IL1RAPL1: variants seen among roughly 807,000 people sequenced by gnomAD.
IL1RAPL1 encodes the protein interleukin 1 receptor accessory protein like 1.
Under a neutral mutation model 48.4 loss-of-function variants are expected in IL1RAPL1, and 3 were observed. That is an observed-to-expected ratio of 0.06 (90% CI 0.03 to 0.16). The LOEUF (loss-of-function observed/expected upper bound fraction) is 0.16. IL1RAPL1 is among the 10% of genes least tolerant of loss of function. The probability of loss-of-function intolerance (pLI) is 1.00; values close to 1 mark genes in which losing one functional copy is unlikely to be tolerated. For missense variants in IL1RAPL1, 349 were observed against 530.6 expected (o/e 0.66, Z 3.36); for synonymous variants, 185 against 187.7 (o/e 0.99, Z 0.12).
At chrX:29,587,782 G>A (rs1255709436) in intron 5 of IL1RAPL1, among the ~76,000 whole-genome samples, 2 of 112,288 alleles carry the variant, frequency 1.8e-5, no homozygotes, top group South Asian at 3.7e-4. Flanking sequence ...AAATGGATAC[G>A]TGATACCAAC....
intron 2 of IL1RAPL1, among the ~76,000 whole-genome samples, chrX:29,227,045 C>T (rs761774449): frequency 1.8e-5 from 2 of 108,315 alleles, no homozygotes; most frequent in South Asian, 8.0e-4. Flanking sequence ...GAATCACCTG[C>T]GTGGACACTG....
chrX:29,673,160 C>A (rs1926184205), intron 6 of IL1RAPL1, among the ~76,000 whole-genome samples: 1 of 111,638 alleles, frequency 9.0e-6, no homozygotes, highest in East Asian at 2.8e-4. Context: ...CATAATTGAC[C>A]ACACCTTTTC....
At chrX:29,373,377 A>G (rs745957503) in intron 3 of IL1RAPL1, among the ~76,000 whole-genome samples, 1 of 111,862 alleles carries the variant, frequency 8.9e-6, no homozygotes, top group Non-Finnish European at 1.9e-5. Context: ...GAGAGTTTGA[A>G]TTCTTATTTT....
At chrX:29,199,761 G>A (rs1366880513) in intron 2 of IL1RAPL1, among the ~76,000 whole-genome samples, 2 of 111,709 alleles carry the variant, frequency 1.8e-5, no homozygotes, top group East Asian at 2.8e-4. Context: ...CCTGGTCTGC[G>A]GCCTTGGGGT....
chrX:29,731,436 A>G (rs1217180690), intron 6 of IL1RAPL1, among the ~76,000 whole-genome samples: 1 of 112,139 alleles, frequency 8.9e-6, no homozygotes, highest in Non-Finnish European at 1.9e-5. Flanking sequence ...CGTCAAAGAC[A>G]TCTGATGTGG....
In IL1RAPL1 at chrX:29,399,182, A is replaced by C; in HGVS notation, c.577A>C (p.Ser193Arg). ...KECRTKTWRP[S>R]IVFKRDTLLI... ...ATGCAGGACAAAAACATGGAGGCCA[A>C]GTATTGTATTCAAAAGAGATACTCT... Residue 193 changes from serine to arginine, a missense_variant, in exon 5 of 11, where the codon AGT becomes CGT. Coordinates refer to ENST00000378993, the MANE Select transcript of IL1RAPL1 (RefSeq NM_014271.4). 8.3e-7 allele frequency: 1 copy of C among 1,205,460 alleles called. No individual in the cohort carries two copies. Among genetic ancestry groups the C allele is most frequent in the East Asian group, 3.0e-5 (1 of 33,734 alleles).
intron 1 of IL1RAPL1, among the ~76,000 whole-genome samples, chrX:28,642,260 G>A (rs1175491831): frequency 1.8e-5 from 2 of 111,223 alleles, no homozygotes; most frequent in African/African-American, 6.6e-5. Context: ...CATCGAGATG[G>A]AAAATTAACA....
intron 3 of IL1RAPL1, among the ~76,000 whole-genome samples, chrX:29,293,234 AT>A (rs1452988169): frequency 9.0e-6 from 1 of 110,692 alleles, no homozygotes; most frequent in East Asian, 2.8e-4. Flanking sequence ...TGATTTACTG[AT>A]TTTTTTTAAC....
At chrX:29,936,182 T>G (rs1933029726) in intron 8 of IL1RAPL1, among the ~76,000 whole-genome samples, 1 of 110,431 alleles carries the variant, frequency 9.1e-6, no homozygotes, top group Non-Finnish European at 1.9e-5. Context: ...CTGAGCATAA[T>G]TATCCTCCTG....
chrX:29,310,636 T>C (rs1932711606), intron 3 of IL1RAPL1, among the ~76,000 whole-genome samples: 1 of 111,387 alleles, frequency 9.0e-6, no homozygotes, highest in Non-Finnish European at 1.9e-5. Context: ...CACACACAAC[T>C]TTAATTATAA....
At chrX:29,732,726 A>G (rs1314623806) in intron 6 of IL1RAPL1, among the ~76,000 whole-genome samples, 1 of 111,236 alleles carries the variant, frequency 9.0e-6, no homozygotes, top group African/African-American at 3.3e-5. Context: ...CTTTTTGGAG[A>G]ATGTCTCTGT....
intron 5 of IL1RAPL1, among the ~76,000 whole-genome samples, chrX:29,430,146 C>T (rs192230243): frequency 4.6e-5 from 5 of 109,117 alleles, no homozygotes; most frequent in Non-Finnish European, 7.6e-5. Context: ...TCTCCCCCAA[C>T]GTGTAGTCAT....
rs750094649 is a variant in IL1RAPL1 at position 29,044,252 on chromosome X, T to C, written c.83-238686T>C. Among the ~76,000 whole-genome samples, 12 of 110,199 alleles carry C rather than the reference T, an allele frequency of 1.1e-4. No homozygotes were observed. The East Asian group carries it at 3.4e-3, about 32-fold the overall frequency. ...TTCAAAACCAGCCTGGCCAACACGG[T>C]GAAACCCACCTCTACTAAAAATACA... is the stretch of plus-strand genomic sequence containing the variant. On this transcript the variant is annotated intron_variant, in intron 2 of 10. Coordinates refer to ENST00000378993, the MANE Select transcript of IL1RAPL1 (RefSeq NM_014271.4).
intron 2 of IL1RAPL1, among the ~76,000 whole-genome samples, chrX:29,011,249 A>G (rs986646070): frequency 1.8e-5 from 2 of 112,047 alleles, no homozygotes; most frequent in Non-Finnish European, 3.8e-5. Flanking sequence ...TGAACTTACC[A>G]TATAACTTAG....
At chrX:29,427,078 A>G (rs928804028) in intron 5 of IL1RAPL1, among the ~76,000 whole-genome samples, 1 of 111,112 alleles carries the variant, frequency 9.0e-6, no homozygotes. Flanking sequence ...AACATTTTCT[A>G]TTATTTCTCA....
At chrX:29,763,366 A>C (rs999137973) in intron 6 of IL1RAPL1, among the ~76,000 whole-genome samples, 6 of 111,750 alleles carry the variant, frequency 5.4e-5, no homozygotes, top group African/African-American at 1.9e-4. Context: ...CATTGGCATT[A>C]GAGAGAAGCA....
intron 3 of IL1RAPL1, among the ~76,000 whole-genome samples, chrX:29,373,797 G>C (rs142483046): frequency 0.027 from 2,547 of 95,125 alleles, 80 homozygotes; most frequent in African/African-American, 0.09. Context: ...GGTGAGTTAA[G>C]TTTTTAATTT....
At chrX:29,331,829 T>G (rs2147634096) in intron 3 of IL1RAPL1, among the ~76,000 whole-genome samples, 1 of 111,588 alleles carries the variant, frequency 9.0e-6, no homozygotes, top group Admixed American at 9.5e-5. Flanking sequence ...GTTATTAGAT[T>G]TTTGACTTTA....
At chrX:28,677,892 T>G (rs888728488) in intron 1 of IL1RAPL1, among the ~76,000 whole-genome samples, 2 of 111,332 alleles carry the variant, frequency 1.8e-5, no homozygotes, top group Non-Finnish European at 3.8e-5. Flanking sequence ...CCAGCCTGAT[T>G]ACTTCTTCAG....
Sources: gnomAD v4.1 joint callset for allele counts (sites outside exome capture counted in the v4.1 genomes callset) on GRCh38, gnomAD v4.1.1 for gene constraint, MANE v1.5 for transcripts, NCBI Gene and HGNC (gene_info 2026-07-23, HGNC 2026-07-21) for gene names.